Variants in IQSEC1 observed in about 807,000 individuals in gnomAD.
The protein encoded by IQSEC1 is IQ motif and Sec7 domain ArfGEF 1.
In IQSEC1, 31 loss-of-function variants were observed where a neutral mutation model predicts 91.0. The ratio of observed to expected loss-of-function variants is 0.34; its 90% CI spans 0.26 to 0.46. The LOEUF is 0.46. Ranked by LOEUF, IQSEC1 falls within the 20% of genes least tolerant of loss-of-function variation. The probability of loss-of-function intolerance (pLI) is 1.00; values close to 1 mark genes in which losing one functional copy is unlikely to be tolerated. For synonymous variants in IQSEC1, 699 were observed against 662.6 expected, an observed-to-expected ratio of 1.05 and a Z score of -0.84; for missense variants, 1,388 against 1,575.6, an observed-to-expected ratio of 0.88 and a Z score of 2.02.
At chr3:13,093,314 T>A (rs1345731895) in intron 2 of IQSEC1, among the ~76,000 whole-genome samples, 1 of 152,042 alleles carries the variant, frequency 6.6e-6, no homozygotes, top group Non-Finnish European at 1.5e-5. Context: ...GGGGCCTCCA[T>A]CCCAGCCCTG....
intron 1 of IQSEC1, among the ~76,000 whole-genome samples, chr3:12,945,870 G>C (rs893283648): frequency 2.0e-5 from 3 of 152,218 alleles, no homozygotes; most frequent in African/African-American, 7.2e-5. Flanking sequence ...TCTGCTGCTA[G>C]GAGTATAAAT....
intron 2 of IQSEC1, among the ~76,000 whole-genome samples, chr3:13,152,597 G>A (rs142297780): frequency 6.6e-4 from 101 of 152,234 alleles, no homozygotes; most frequent in East Asian, 2.7e-3. Context: ...CCAGCTGGGC[G>A]TGGTGGCTCA....
intron 1 of IQSEC1, among the ~76,000 whole-genome samples, chr3:13,002,789 C>T (rs773748763): frequency 7.9e-5 from 12 of 152,198 alleles, no homozygotes; most frequent in Non-Finnish European, 1.5e-4. Context: ...TATGACTTCC[C>T]ACCCACTAGG....
At position 13,241,708 on chromosome 3, in the gene IQSEC1, C is replaced by T. The variant is rs551954167; in HGVS notation, c.272+41003G>A. 1.0e-3 allele frequency among the ~76,000 whole-genome samples: 157 copies of T among 152,384 alleles called. 1 individual carries two copies. Among genetic ancestry groups the T allele is most frequent in the African/African-American group, 3.5e-3 (147 of 41,592 alleles). On this transcript the variant is annotated intron_variant, in intron 1 of 15. Coordinates refer to the IQSEC1 transcript ENST00000648114. ...CATTCTAGCCCAGTTCCCGGGCTTC[C>T]GTGTTTCAGAAACAGGGCTGGCAGG...
intron 1 of IQSEC1, among the ~76,000 whole-genome samples, chr3:12,993,534 C>T (rs964880852): frequency 3.9e-5 from 6 of 152,162 alleles, no homozygotes; most frequent in African/African-American, 7.2e-5. Flanking sequence ...CTTTGCATGG[C>T]GACCCTCGGG....
intron 1 of IQSEC1, among the ~76,000 whole-genome samples, chr3:13,278,752 G>C (rs1332642789): frequency 6.7e-6 from 1 of 148,300 alleles, no homozygotes; most frequent in Non-Finnish European, 1.5e-5. Context: ...CTGGGAGGCG[G>C]AACTTTCAGT....
At chr3:13,166,934 G>A (rs144635653) in intron 1 of IQSEC1, among the ~76,000 whole-genome samples, 19 of 152,370 alleles carry the variant, frequency 1.2e-4, no homozygotes, top group African/African-American at 2.2e-4. Context: ...AACATCGCCC[G>A]TCCTATGGCC....
intron 2 of IQSEC1, among the ~76,000 whole-genome samples, chr3:13,116,523 C>A (rs910116264): frequency 3.3e-5 from 5 of 152,180 alleles, no homozygotes; most frequent in African/African-American, 1.2e-4. Context: ...AGTCTCTTCA[C>A]CAAATGGTGC....
intron 1 of IQSEC1, among the ~76,000 whole-genome samples, chr3:12,947,033 T>C (rs1203319626): frequency 2.0e-5 from 3 of 152,216 alleles, no homozygotes; most frequent in Non-Finnish European, 4.4e-5. Context: ...ATGGACTCTA[T>C]TTGCCAAGGC....
intron 1 of IQSEC1, among the ~76,000 whole-genome samples, chr3:13,051,566 C>T (rs958603929): frequency 2.6e-5 from 4 of 152,140 alleles, no homozygotes; most frequent in South Asian, 2.1e-4. Flanking sequence ...ACAAGCCATA[C>T]GCTGATGAAT....
chr3:13,047,365 T>C (rs1461801915), intron 1 of IQSEC1: 1 of 424,332 alleles, frequency 2.4e-6, no homozygotes, highest in African/African-American at 2.2e-5. Context: ...CAGGGCCAAA[T>C]GGTGGAGCTA....
chr3:13,187,219 C>G (rs1044711758), intron 1 of IQSEC1, among the ~76,000 whole-genome samples: 5 of 152,144 alleles, frequency 3.3e-5, no homozygotes, highest in Non-Finnish European at 5.9e-5. Context: ...TGCACCAAGC[C>G]CCTCAAGGAG....
intron 3 of IQSEC1, among the ~76,000 whole-genome samples, chr3:12,928,902 C>T (rs1018565827): frequency 6.6e-6 from 1 of 152,200 alleles, no homozygotes; most frequent in Non-Finnish European, 1.5e-5. Context: ...GTGCGGTCCC[C>T]TATGGACACC....
At chr3:13,028,093 C>G (rs914378295) in intron 1 of IQSEC1, among the ~76,000 whole-genome samples, 1 of 152,172 alleles carries the variant, frequency 6.6e-6, no homozygotes, top group Non-Finnish European at 1.5e-5. Context: ...CCCTCAAAGC[C>G]CCGCAGGGCT....
intron 1 of IQSEC1, among the ~76,000 whole-genome samples, chr3:12,975,064 A>T (rs954400228): frequency 6.6e-6 from 1 of 152,232 alleles, no homozygotes; most frequent in African/African-American, 2.4e-5. Context: ...CAAAGTGGGG[A>T]CAGTGCCACC....
rs965302112 is a variant in IQSEC1, at chr3:12,899,668, T to C, written c.*1315A>G. On this transcript the variant is annotated 3_prime_UTR_variant, in exon 14 of 14. Transcript: ENST00000613206. ...CACAGGGGTTCTGCTAGCACATGGC[T>C]ACATGGAATTACGGTGATCACTGCT... 2.1e-5 allele frequency: 21 copies of C among 985,270 alleles called. No homozygotes were observed. Among genetic ancestry groups the C allele is most frequent in the Admixed American group, 1.2e-4 (2 of 16,262 alleles). The allele number at this position is 985,270 out of a possible 1,614,324, so 61.0% of individuals were successfully genotyped here. A position where few individuals can be genotyped will look rare whatever the true frequency, so the allele number is the denominator to read the frequency against.
intron 3 of IQSEC1, among the ~76,000 whole-genome samples, chr3:12,925,188 C>A (rs899355325): frequency 7.9e-5 from 12 of 152,204 alleles, no homozygotes; most frequent in Admixed American, 3.9e-4. Flanking sequence ...CTGTCCGGCC[C>A]AACTCCCTGC....
chr3:12,917,380 C>A (rs1696199964), intron 6 of IQSEC1, among the ~76,000 whole-genome samples: 1 of 152,210 alleles, frequency 6.6e-6, no homozygotes, highest in African/African-American at 2.4e-5. Context: ...CCCTAAAAAT[C>A]CTCTGAGCTC....
chr3:13,077,715 C>A (rs1034931253), upstream of IQSEC1, among the ~76,000 whole-genome samples: 3 of 152,204 alleles, frequency 2.0e-5, no homozygotes, highest in Non-Finnish European at 4.4e-5. Context: ...AGGAAGCAGC[C>A]GGAAGCAATT....
Sources: allele counts gnomAD v4.1 joint callset (sites outside exome capture counted in the v4.1 genomes callset), GRCh38; gene constraint gnomAD v4.1.1; transcripts MANE v1.5; gene names NCBI Gene and HGNC (gene_info 2026-07-23, HGNC 2026-07-21).